Variants in TCF7L1 observed in about 807,000 individuals in gnomAD.
TCF7L1 encodes transcription factor 7-like 1.
Under a neutral mutation model 63.7 loss-of-function variants are expected in TCF7L1, and 18 were observed. The ratio of observed to expected loss-of-function variants is 0.28; its 90% CI spans 0.20 to 0.42. The LOEUF (loss-of-function observed/expected upper bound fraction) is 0.42. TCF7L1 is among the 10% of genes least tolerant of loss of function. The pLI is 1.00. For synonymous variants in TCF7L1, 355 were observed against 340.9 expected (o/e 1.04, Z -0.46); for missense variants, 654 against 779.3 (o/e 0.84, Z 1.91).
chr2:85,224,361 C>G (rs1334257936), intron 3 of TCF7L1, among the ~76,000 whole-genome samples: 3 of 152,170 alleles, frequency 2.0e-5, no homozygotes, highest in Non-Finnish European at 4.4e-5. Context: ...GAGGAATTGC[C>G]ATACTGTCTT....
intron 7 of TCF7L1, among the ~76,000 whole-genome samples, chr2:85,305,030 C>T (rs191085022): frequency 1.8e-3 from 275 of 152,282 alleles, no homozygotes; most frequent in African/African-American, 6.3e-3. Flanking sequence ...TTCATCCCAC[C>T]TGCTTCCAGC....
At chr2:85,278,892 G>A (rs905177717) in intron 3 of TCF7L1, among the ~76,000 whole-genome samples, 1 of 152,188 alleles carries the variant, frequency 6.6e-6, no homozygotes, top group Non-Finnish European at 1.5e-5. Context: ...TTAACCCATA[G>A]AAAGCACCCC....
Position 85,134,242 on chromosome 2 carries a change from C to T in TCF7L1, c.314-81C>T. 6.8e-7 allele frequency: 1 copy of T among 1,481,068 alleles called. No individual in the cohort carries two copies. The highest frequency in any genetic ancestry group is 9.0e-7 in the Non-Finnish European group (1 of 1,115,306). 91.7% of individuals were successfully genotyped at this position (1,481,068 alleles called of 1,614,324 possible). The stretch of plus-strand genomic sequence containing the variant: ...CGCGCGTGGGGGGCGCTGGGGTCCC[C>T]AGCTCCCGCCTCGAGCCCCCTGCCG... On this transcript the variant is annotated intron_variant, in intron 2 of 11. Transcript: ENST00000282111. The surrounding 1 kb of genome is among the most constrained non-coding windows in gnomAD (Gnocchi z 5.0).
chr2:85,286,246 T>A lies in TCF7L1; in HGVS notation c.525+2668T>A, dbSNP rs1681546555. On this transcript the variant is annotated intron_variant, in intron 4 of 11. Transcript: ENST00000282111. ...GGTACGCGCCTGTAATCCCAGCTAT[T>A]TGTGAGGCTGAGGCAGGAGAATTGC... Among the ~76,000 whole-genome samples, 4 of 151,510 alleles carry A rather than the reference T, an allele frequency of 2.6e-5. No individual in the cohort carries two copies. The South Asian group carries it at 8.3e-4, about 32-fold the overall frequency.
At chr2:85,272,789 TATCA>T (rs886754990) in intron 3 of TCF7L1, among the ~76,000 whole-genome samples, 3 of 152,198 alleles carry the variant, frequency 2.0e-5, no homozygotes, top group Admixed American at 1.3e-4. Context: ...GGCAAGACCC[TATCA>T]ATCAATCCAT....
At position 85,299,680 on chromosome 2, in the gene TCF7L1, A is replaced by C. The variant is rs1206727710; in HGVS notation, c.526-2804A>C. On this transcript the variant is annotated intron_variant, in intron 4 of 11. Transcript: ENST00000282111. The stretch of plus-strand genomic sequence containing the variant: ...GCAGGAGTTCGAGAACAGCCTGGGC[A>C]ACATGGTGAAACCGCGTCTCTACAA... Among the ~76,000 whole-genome samples, 4 of 151,992 alleles carry C rather than the reference A, an allele frequency of 2.6e-5. No homozygotes were observed. The East Asian group carries it at 7.7e-4, about 29-fold the overall frequency.
intron 3 of TCF7L1, among the ~76,000 whole-genome samples, chr2:85,195,062 G>T (rs560139298): frequency 5.9e-5 from 9 of 152,226 alleles, no homozygotes; most frequent in Admixed American, 5.9e-4. Flanking sequence ...GCCCTATGGC[G>T]TAGTGGCTGG....
rs181517145 is a variant in TCF7L1, at chr2:85,155,349, C to T, written c.441+20899C>T. 1.1e-4 allele frequency among the ~76,000 whole-genome samples: 17 copies of T among 152,330 alleles called. No homozygotes were observed. In the South Asian group the frequency reaches 1.4e-3, roughly 13 times the overall value. ...CCACCCCAGCCAGCAGCAGCAGCAA[C>T]GCTCTGTGGAAGCTTTGTTCTTTCG... On this transcript the variant is annotated intron_variant, in intron 3 of 11. Transcript: ENST00000282111.
intron 3 of TCF7L1, among the ~76,000 whole-genome samples, chr2:85,189,130 C>T (rs1185017503): frequency 5.9e-5 from 9 of 152,136 alleles, no homozygotes; most frequent in African/African-American, 2.2e-4. Flanking sequence ...GCCCTTCCCC[C>T]CGAAGCAATT....
At chr2:85,251,413 A>G (rs1353032766) in intron 3 of TCF7L1, among the ~76,000 whole-genome samples, 2 of 152,206 alleles carry the variant, frequency 1.3e-5, no homozygotes, top group Admixed American at 1.3e-4. Context: ...TGTACAGTAT[A>G]TAGTGTAAAC....
chr2:85,167,661 C>T (rs1336042251), intron 3 of TCF7L1, among the ~76,000 whole-genome samples: 9 of 152,180 alleles, frequency 5.9e-5, no homozygotes, highest in South Asian at 4.2e-4. Flanking sequence ...CCCAGAAGTT[C>T]GAGACCAGCC....
At chr2:85,218,060 C>T (rs376607045) in intron 3 of TCF7L1, among the ~76,000 whole-genome samples, 1 of 151,870 alleles carries the variant, frequency 6.6e-6, no homozygotes, top group Admixed American at 6.6e-5. Context: ...GAAGAATGCC[C>T]GAGAGGTGTT....
intron 3 of TCF7L1, among the ~76,000 whole-genome samples, chr2:85,189,175 G>C (rs1383762778): frequency 3.9e-5 from 6 of 152,026 alleles, no homozygotes; most frequent in Non-Finnish European, 8.8e-5. Context: ...TCCCCTTCCT[G>C]GTCCTATTTA....
intron 3 of TCF7L1, among the ~76,000 whole-genome samples, chr2:85,161,846 G>C (rs1446926021): frequency 5.3e-5 from 8 of 152,100 alleles, no homozygotes; most frequent in Non-Finnish European, 1.0e-4. Context: ...GCGTGGCTGG[G>C]TCTTTCGAGG....
chr2:85,299,325 G>C lies in TCF7L1; in HGVS notation c.526-3159G>C, dbSNP rs543638585. On this transcript the variant is annotated intron_variant, in intron 4 of 11. Coordinates refer to ENST00000282111, the MANE Select transcript of TCF7L1 (RefSeq NM_031283.3). ...AGCACTTTGGGAGGCTGAGGCAGGG[G>C]GATCGCCTGATGTCAGGAGTTCAAA... Among the ~76,000 whole-genome samples, 15 of 152,030 alleles carry C rather than the reference G, an allele frequency of 9.9e-5. No homozygotes were observed. The South Asian group carries it at 2.9e-3, about 29-fold the overall frequency.
intron 4 of TCF7L1, among the ~76,000 whole-genome samples, chr2:85,285,181 C>T (rs1205766745): frequency 2.6e-5 from 4 of 151,852 alleles, no homozygotes; most frequent in African/African-American, 9.7e-5. Context: ...GATAGTGAGC[C>T]GAGATCGCGC....
At chr2:85,223,211 A>G (rs1679886194) in intron 3 of TCF7L1, among the ~76,000 whole-genome samples, 1 of 152,204 alleles carries the variant, frequency 6.6e-6, no homozygotes, top group Non-Finnish European at 1.5e-5. Context: ...CCTCCTGAGT[A>G]GCTGGGACTA....
chr2:85,250,457 G>A (rs1258901431), intron 3 of TCF7L1, among the ~76,000 whole-genome samples: 1 of 150,034 alleles, frequency 6.7e-6, no homozygotes, highest in Non-Finnish European at 1.5e-5. Context: ...TTTTTTTTGA[G>A]ACAGAGTCTC....
chr2:85,267,627 C>T (rs567592508), intron 3 of TCF7L1, among the ~76,000 whole-genome samples: 53 of 139,790 alleles, frequency 3.8e-4, no homozygotes, highest in African/African-American at 1.2e-3. Context: ...CCAACCTGGG[C>T]GACAGAGGAA....
Sources: allele counts gnomAD v4.1 joint callset (sites outside exome capture counted in the v4.1 genomes callset), GRCh38; gene constraint gnomAD v4.1.1; non-coding constraint Gnocchi (gnomAD v3.1); transcripts MANE v1.5; gene names NCBI Gene and HGNC (gene_info 2026-07-23, HGNC 2026-07-21).